ACTN1: variants seen among roughly 807,000 people sequenced by gnomAD.
ACTN1 encodes actinin alpha 1.
A neutral mutation model predicts 119.6 loss-of-function variants in ACTN1; 30 were observed. The ratio of observed to expected loss-of-function variants is 0.25; its 90% CI spans 0.19 to 0.34. ACTN1 has a LOEUF of 0.34. ACTN1 is among the 10% of genes least tolerant of loss of function. The pLI is 1.00. For missense variants in ACTN1, 764 were observed against 1,223.4 expected (o/e 0.62, Z 5.60); for synonymous variants, 429 against 472.6 (o/e 0.91, Z 1.20).
At position 68,890,236 on chromosome 14, in the gene ACTN1, C is replaced by T. The variant is rs1402528006; in HGVS notation, c.1137G>A (p.Glu379=). The change falls in exon 11 of 22, where the codon GAG becomes GAA. Residue 379 remains glutamate, a synonymous_variant. Coordinates refer to ENST00000394419, the MANE Select transcript of ACTN1 (RefSeq NM_001130004.2). ...TCCGGATCTCATTCAGCAACCACTC[C>T]TCATAGCCCTTCTCCACCTGCTCCA... ...GCLEQVEKGY[E]EWLLNEIRRL... is the part of the protein sequence containing the mutation. 2 of 1,614,214 alleles carry T rather than the reference C, an allele frequency of 1.2e-6. No individual in the cohort carries two copies. The highest frequency in any genetic ancestry group is 1.7e-6 in the Non-Finnish European group (2 of 1,180,030).
At chr14:68,912,828 C>G (rs1050335337) in intron 3 of ACTN1, among the ~76,000 whole-genome samples, 1 of 152,170 alleles carries the variant, frequency 6.6e-6, no homozygotes. Flanking sequence ...AAATCCTGAT[C>G]TGTGTTCCCA....
In ACTN1 at chr14:68,940,011, T is replaced by G. The variant is rs1372240502; in HGVS notation, c.106-14339A>C. On this transcript the variant is annotated intron_variant, in intron 1 of 21. Coordinates refer to ENST00000394419, the MANE Select transcript of ACTN1 (RefSeq NM_001130004.2). ...GTAAGCCTGCTGAGATGAGGATTACTAAATGGGCGGAGCTGGTCTTCGAAG... is the reference window on the plus strand; with the variant it reads ...GTAAGCCTGCTGAGATGAGGATTACGAAATGGGCGGAGCTGGTCTTCGAAG... 2.6e-5 allele frequency among the ~76,000 whole-genome samples: 4 copies of G among 152,210 alleles called. No individual in the cohort carries two copies. The South Asian group carries it at 6.2e-4, about 24-fold the overall frequency.
At chr14:68,932,463 T>C (rs2140433667) in intron 1 of ACTN1, among the ~76,000 whole-genome samples, 1 of 148,902 alleles carries the variant, frequency 6.7e-6, no homozygotes, top group East Asian at 2.1e-4. Context: ...TATATATACA[T>C]CTATCTCATT....
intron 1 of ACTN1, among the ~76,000 whole-genome samples, chr14:68,964,443 G>C (rs1007321084): frequency 6.6e-6 from 1 of 152,176 alleles, no homozygotes; most frequent in Non-Finnish European, 1.5e-5. Context: ...ATGGGGCCCG[G>C]GAGGGTGGAG....
intron 1 of ACTN1, among the ~76,000 whole-genome samples, chr14:68,955,236 G>C (rs1314795122): frequency 6.6e-6 from 1 of 152,194 alleles, no homozygotes; most frequent in East Asian, 1.9e-4. Context: ...GTAGGAGATT[G>C]CATGTAAACT....
chr14:68,911,692 T>G (rs563305188), intron 4 of ACTN1, among the ~76,000 whole-genome samples: 1 of 152,300 alleles, frequency 6.6e-6, no homozygotes, highest in African/African-American at 2.4e-5. Context: ...GACATAAAGC[T>G]CAAAAACTGC....
At chr14:68,893,432 A>C (rs537205051) in intron 9 of ACTN1, among the ~76,000 whole-genome samples, 6 of 152,192 alleles carry the variant, frequency 3.9e-5, no homozygotes, top group African/African-American at 1.2e-4. Flanking sequence ...TCTGAGAGGC[A>C]AAGGGATATC....
chr14:68,914,569 C>T (rs1199653178), intron 3 of ACTN1, among the ~76,000 whole-genome samples: 5 of 152,112 alleles, frequency 3.3e-5, no homozygotes, highest in South Asian at 2.1e-4. Context: ...AGTTCAAGAC[C>T]AGCCGGGGCA....
intron 4 of ACTN1, among the ~76,000 whole-genome samples, chr14:68,910,834 G>A (rs1433738430): frequency 6.6e-6 from 1 of 152,156 alleles, no homozygotes; most frequent in South Asian, 2.1e-4. Context: ...TTTTCTAAGG[G>A]GAAACCCCTT....
chr14:68,958,916 CCTT>C (rs2036439163), intron 1 of ACTN1, among the ~76,000 whole-genome samples: 1 of 152,170 alleles, frequency 6.6e-6, no homozygotes, highest in African/African-American at 2.4e-5. Context: ...CGACAGCCAT[CCTT>C]CTGGAAAGGG....
intron 1 of ACTN1, among the ~76,000 whole-genome samples, chr14:68,961,092 C>T (rs1044317741): frequency 6.6e-6 from 1 of 152,074 alleles, no homozygotes; most frequent in South Asian, 2.1e-4. Flanking sequence ...ACAAAAAACC[C>T]TGTTATACAC....
intron 1 of ACTN1, among the ~76,000 whole-genome samples, chr14:68,928,918 T>C (rs1281431139): frequency 6.6e-6 from 1 of 152,096 alleles, no homozygotes; most frequent in Non-Finnish European, 1.5e-5. Flanking sequence ...GCTGGTGTGT[T>C]CGTGGGAGAG....
At chr14:68,956,492 C>T (rs912732602) in intron 1 of ACTN1, among the ~76,000 whole-genome samples, 1 of 152,084 alleles carries the variant, frequency 6.6e-6, no homozygotes, top group African/African-American at 2.4e-5. Context: ...TCTAACAGAG[C>T]ATTTGGTTCA....
At chr14:68,905,130 C>A (rs1269921782) in intron 6 of ACTN1, among the ~76,000 whole-genome samples, 1 of 152,222 alleles carries the variant, frequency 6.6e-6, no homozygotes, top group Non-Finnish European at 1.5e-5. Flanking sequence ...ACCTCAGCTT[C>A]TCCATCCATA....
intron 1 of ACTN1, among the ~76,000 whole-genome samples, chr14:68,934,046 T>TA (rs1463127691): frequency 2.0e-5 from 3 of 151,024 alleles, no homozygotes; most frequent in African/African-American, 7.3e-5. Context: ...TGCCACAATA[T>TA]AAAAATAAGA....
In ACTN1 at chr14:68,884,900, CAAG is replaced by C; in HGVS notation, c.1386-20_1386-18del. On this transcript the variant is annotated intron_variant, in intron 12 of 21. Transcript: ENST00000394419. ...TCCAGCTCACTGGGGAGGGAAGAGA[CAAG>C]GAAGTCAGGGGACCCAGGTTAATTT... is the stretch of plus-strand genomic sequence containing the variant. 4.4e-6 allele frequency: 7 copies of C among 1,595,360 alleles called. No homozygotes were observed. The highest frequency in any genetic ancestry group is 6.0e-6 in the Non-Finnish European group (7 of 1,162,934).
rs201046825 is a variant in ACTN1, at chr14:68,884,341, A to G, written c.1495-33T>C. On this transcript the variant is annotated intron_variant, in intron 13 of 21. Transcript: ENST00000394419. Reference sequence around the variant, plus strand: ...TGCCAAATAGGGTAAGGGTTAGTACAGTGATGTCCAGAATCATCCCCCACT... The same window carrying G: ...TGCCAAATAGGGTAAGGGTTAGTACGGTGATGTCCAGAATCATCCCCCACT... 127 of 1,593,146 alleles carry G rather than the reference A, an allele frequency of 8.0e-5. No individual in the cohort carries two copies. The African/African-American group carries it at 1.5e-3, about 19-fold the overall frequency.
chr14:68,963,963 C>A (rs2036621653), intron 1 of ACTN1, among the ~76,000 whole-genome samples: 1 of 152,162 alleles, frequency 6.6e-6, no homozygotes, highest in South Asian at 2.1e-4. Flanking sequence ...TAGCATGCAT[C>A]ATGGATAAAG....
intron 1 of ACTN1, among the ~76,000 whole-genome samples, chr14:68,948,450 C>T (rs1345694096): frequency 6.6e-6 from 1 of 152,042 alleles, no homozygotes; most frequent in African/African-American, 2.4e-5. Context: ...TGGTGGCGAG[C>T]GCCTGTAATC....
Sources: gnomAD v4.1 joint callset for allele counts (sites outside exome capture counted in the v4.1 genomes callset) on GRCh38, gnomAD v4.1.1 for gene constraint, MANE v1.5 for transcripts, NCBI Gene and HGNC (gene_info 2026-07-23, HGNC 2026-07-21) for gene names.